Variants in ADCK1 observed in about 807,000 individuals in gnomAD.
ADCK1 encodes the protein aarF domain containing kinase 1, also known as aarF domain-containing protein kinase 1.
A neutral mutation model predicts 52.3 loss-of-function variants in ADCK1; 41 were observed. The observed-to-expected ratio is 0.78, with a 90% confidence interval of 0.61 to 1.02. The LOEUF is 1.02. Ranked by LOEUF, ADCK1 falls within the 50% of genes least tolerant of loss-of-function variation. The probability of loss-of-function intolerance (pLI) is 0.00; values close to 1 mark genes in which losing one functional copy is unlikely to be tolerated. For missense variants in ADCK1, 658 were observed against 679.5 expected (o/e 0.97, Z 0.35); for synonymous variants, 250 against 274.6 (o/e 0.91, Z 0.89).
chr14:77,904,099 A>T (rs1444894304), intron 6 of ADCK1, among the ~76,000 whole-genome samples: 1 of 152,012 alleles, frequency 6.6e-6, no homozygotes, highest in African/African-American at 2.4e-5. Context: ...TCTGTGGGGA[A>T]GTTGTGAATT....
chr14:77,846,888 C>T (rs1180001263), intron 3 of ADCK1, among the ~76,000 whole-genome samples: 1 of 152,234 alleles, frequency 6.6e-6, no homozygotes, highest in East Asian at 1.9e-4. Context: ...GCAGAAGCCC[C>T]ATCTTCTCCA....
chr14:77,925,988 C>T, intron 9 of ADCK1, 27 bp downstream of exon 9: 1 of 1,612,676 alleles, frequency 6.2e-7, no homozygotes, highest in Middle Eastern at 1.9e-4. Context: ...GGCCCTGCCT[C>T]TTCCTAAATG....
chr14:77,802,671 C>T (rs1295444881), intron 1 of ADCK1, among the ~76,000 whole-genome samples: 1 of 152,150 alleles, frequency 6.6e-6, no homozygotes, highest in African/African-American at 2.4e-5. Context: ...TGGTTCCTAG[C>T]CGGGCGCGGT....
chr14:77,921,326 CAAAAAAAAAAAAAA>C (rs756056466), intron 7 of ADCK1, among the ~76,000 whole-genome samples: 1 of 41,208 alleles, frequency 2.4e-5, no homozygotes, highest in African/African-American at 6.9e-5. Flanking sequence ...GACTCTGTCT[CAAAAAAAAAAAAAA>C]AAAAAAAAGA....
At chr14:77,872,372 C>T (rs2082798200) in intron 4 of ADCK1, among the ~76,000 whole-genome samples, 1 of 152,166 alleles carries the variant, frequency 6.6e-6, no homozygotes, top group African/African-American at 2.4e-5. Flanking sequence ...AGAGATCTGT[C>T]TGCGAGGTTG....
chr14:77,932,077 C>T (rs2084354414), intron 10 of ADCK1, among the ~76,000 whole-genome samples: 1 of 152,110 alleles, frequency 6.6e-6, no homozygotes. Flanking sequence ...GAGACACAGT[C>T]TGACTCTGTC....
At chr14:77,853,472 A>G (rs1409476140) in intron 3 of ADCK1, among the ~76,000 whole-genome samples, 1 of 152,124 alleles carries the variant, frequency 6.6e-6, no homozygotes, top group African/African-American at 2.4e-5. Flanking sequence ...ATAAATATTG[A>G]GCTTTGTTCT....
At chr14:77,903,406 G>C (rs1049639432) in intron 6 of ADCK1, among the ~76,000 whole-genome samples, 1 of 152,188 alleles carries the variant, frequency 6.6e-6, no homozygotes, top group Non-Finnish European at 1.5e-5. Flanking sequence ...GGCATCTTCC[G>C]GTGCTTATGT....
intron 6 of ADCK1, among the ~76,000 whole-genome samples, chr14:77,905,444 C>T (rs1280295847): frequency 6.6e-6 from 1 of 151,422 alleles, no homozygotes; most frequent in Non-Finnish European, 1.5e-5. Flanking sequence ...AGTGATCTGC[C>T]CTCCTTGGCC....
chr14:77,929,604 C>G (rs1288842273), intron 9 of ADCK1, among the ~76,000 whole-genome samples: 1 of 152,242 alleles, frequency 6.6e-6, no homozygotes, highest in Non-Finnish European at 1.5e-5. Flanking sequence ...TCCAGATTCC[C>G]TGCTGGGGCC....
intron 4 of ADCK1, among the ~76,000 whole-genome samples, chr14:77,886,368 G>T (rs149757664): frequency 1.1e-3 from 170 of 152,346 alleles, no homozygotes; most frequent in African/African-American, 3.9e-3. Context: ...GGGCTGCCCC[G>T]GGCCCACATT....
chr14:77,869,732 G>A (rs906194938), intron 4 of ADCK1, among the ~76,000 whole-genome samples: 1 of 152,160 alleles, frequency 6.6e-6, no homozygotes, highest in Admixed American at 6.5e-5. Context: ...GTTGGGCCTT[G>A]GGGTGTCTTC....
At chr14:77,877,167 A>C (rs1054446020) in intron 4 of ADCK1, among the ~76,000 whole-genome samples, 1 of 152,216 alleles carries the variant, frequency 6.6e-6, no homozygotes, top group Non-Finnish European at 1.5e-5. Flanking sequence ...GTGAGCTGAG[A>C]TCATGCCACT....
intron 4 of ADCK1, among the ~76,000 whole-genome samples, chr14:77,877,737 C>T (rs913775441): frequency 3.3e-5 from 5 of 152,112 alleles, no homozygotes; most frequent in South Asian, 4.2e-4. Flanking sequence ...CCCAAATAGC[C>T]GGGACTACAG....
At chr14:77,802,688 C>T (rs977032244) in intron 1 of ADCK1, among the ~76,000 whole-genome samples, 1 of 152,152 alleles carries the variant, frequency 6.6e-6, no homozygotes, top group Non-Finnish European at 1.5e-5. Context: ...CGGTGGCTCA[C>T]GCCTGTAATC....
At chr14:77,912,789 A>G (rs1489958803) in intron 7 of ADCK1, among the ~76,000 whole-genome samples, 1 of 152,084 alleles carries the variant, frequency 6.6e-6, no homozygotes, top group African/African-American at 2.4e-5. Context: ...GCCCCCAACC[A>G]CTTGTTGTAT....
intron 1 of ADCK1, among the ~76,000 whole-genome samples, chr14:77,800,869 G>C (rs2081094621): frequency 6.6e-6 from 1 of 152,242 alleles, no homozygotes; most frequent in Non-Finnish European, 1.5e-5. Context: ...CTTAGTAGGT[G>C]CTCAAGAAAT....
chr14:77,905,568 G>A (rs1358153882), intron 6 of ADCK1, among the ~76,000 whole-genome samples: 1 of 151,994 alleles, frequency 6.6e-6, no homozygotes, highest in African/African-American at 2.4e-5. Flanking sequence ...CAGAGCCTTA[G>A]GGGCCCACTG....
intron 3 of ADCK1, among the ~76,000 whole-genome samples, chr14:77,832,322 C>T (rs1006502345): frequency 6.6e-6 from 1 of 152,210 alleles, no homozygotes; most frequent in Non-Finnish European, 1.5e-5. Context: ...GTGTGTAGCA[C>T]ATCATGAACT....
Sources: allele counts gnomAD v4.1 joint callset (sites outside exome capture counted in the v4.1 genomes callset), GRCh38; gene constraint gnomAD v4.1.1; transcripts MANE v1.5; gene names NCBI Gene and HGNC (gene_info 2026-07-23, HGNC 2026-07-21).